BCR: variants seen among roughly 807,000 people sequenced by gnomAD.
BCR encodes BCR activator of RhoGEF and GTPase.
In BCR, 58 loss-of-function variants were observed where a neutral mutation model predicts 138.6. That is an observed-to-expected ratio of 0.42 (90% confidence interval 0.34 to 0.52). BCR has a LOEUF of 0.52. Among genes scored for constraint, BCR ranks in the 20% least tolerant of loss-of-function variants. The probability of loss-of-function intolerance (pLI) is 0.06; values close to 1 mark genes in which losing one functional copy is unlikely to be tolerated. For synonymous variants in BCR, 786 were observed against 730.1 expected (o/e 1.08, Z -1.23); for missense variants, 1,599 against 1,727.2 (o/e 0.93, Z 1.32).
intron 16 of BCR, among the ~76,000 whole-genome samples, chr22:23,303,931 C>CTT (rs131683): frequency 0.011 from 1,173 of 106,140 alleles, 51 homozygotes; most frequent in African/African-American, 0.03. Context: ...TCCTTGTTGC[C>CTT]TTTTTTTTTT....
intron 16 of BCR, among the ~76,000 whole-genome samples, chr22:23,295,399 A>G (rs2073834237): frequency 1.3e-5 from 2 of 152,140 alleles, no homozygotes; most frequent in African/African-American, 4.8e-5. Flanking sequence ...ATTTCCATTC[A>G]ACTTGGTTTT....
chr22:23,239,829 TA>T (rs966331257), intron 1 of BCR, among the ~76,000 whole-genome samples: 7 of 152,062 alleles, frequency 4.6e-5, no homozygotes, highest in African/African-American at 1.7e-4. Context: ...CACTTTTTTT[TA>T]AGAGACAGCG....
At chr22:23,185,388 G>T (rs973962991) in intron 1 of BCR, among the ~76,000 whole-genome samples, 3 of 152,152 alleles carry the variant, frequency 2.0e-5, no homozygotes, top group Non-Finnish European at 4.4e-5. Context: ...GAACCCGGCC[G>T]GGCGCGGTGG....
intron 1 of BCR, among the ~76,000 whole-genome samples, chr22:23,197,309 CTA>C (rs2072496251): frequency 6.6e-6 from 1 of 152,000 alleles, no homozygotes; most frequent in African/African-American, 2.4e-5. Flanking sequence ...TAGGTACACT[CTA>C]TGATGTTTGC....
At position 23,181,176 on chromosome 22, in the gene BCR, G is replaced by C; in HGVS notation, c.216G>C (p.Arg72=). The C allele has an allele frequency of 7.3e-7, 1 of 1,372,854 alleles. No individual in the cohort carries two copies. Among genetic ancestry groups the C allele is most frequent in the Non-Finnish European group, 9.6e-7 (1 of 1,041,952 alleles). The allele number at this position is 1,372,854 out of a possible 1,614,324, so 85.0% of individuals were successfully genotyped here. Residue 72 remains arginine (R), a synonymous_variant, in exon 1 of 23, where the codon CGG becomes CGC. Transcript: ENST00000305877. ...CCAAGGAAAAGAAGAGCTATGACCG[G>C]CAGCGATGGGGCTTCCGGCGCGCGG... The part of the protein sequence containing the change: ...LLAKEKKSYD[R]QRWGFRRAAQ...
At chr22:23,202,011 G>C (rs375508321) in intron 1 of BCR, among the ~76,000 whole-genome samples, 1 of 152,038 alleles carries the variant, frequency 6.6e-6, no homozygotes, top group Non-Finnish European at 1.5e-5. Context: ...TTGGGTGTCC[G>C]GCCTTAGTTA....
At chr22:23,231,137 T>C (rs761420622) in intron 1 of BCR, among the ~76,000 whole-genome samples, 3 of 152,162 alleles carry the variant, frequency 2.0e-5, no homozygotes, top group Non-Finnish European at 2.9e-5. Context: ...GCTGCCCTTT[T>C]TTCCTAATGG....
At chr22:23,237,071 C>G (rs975497273) in intron 1 of BCR, among the ~76,000 whole-genome samples, 2 of 152,190 alleles carry the variant, frequency 1.3e-5, no homozygotes, top group African/African-American at 2.4e-5. Flanking sequence ...CTCCCAGGAT[C>G]GTGGAGTTCT....
intron 14 of BCR, among the ~76,000 whole-genome samples, chr22:23,291,923 C>T (rs1395535348): frequency 6.6e-6 from 1 of 152,136 alleles, no homozygotes; most frequent in Non-Finnish European, 1.5e-5. Context: ...ACTACCAGGC[C>T]TCTCCATCCC....
chr22:23,268,966 C>T (rs796530848), intron 5 of BCR, among the ~76,000 whole-genome samples: 42 of 152,362 alleles, frequency 2.8e-4, no homozygotes, highest in African/African-American at 9.1e-4. Flanking sequence ...GGGGCGAGGG[C>T]TCATGGCACC....
chr22:23,247,070 G>T (rs922342870), intron 1 of BCR, among the ~76,000 whole-genome samples: 5 of 152,130 alleles, frequency 3.3e-5, no homozygotes, highest in Non-Finnish European at 7.3e-5. Context: ...CTCTCTGGAG[G>T]ACAGTGCCTG....
At chr22:23,307,216 C>T (rs1177206656) in intron 16 of BCR, among the ~76,000 whole-genome samples, 1 of 152,212 alleles carries the variant, frequency 6.6e-6, no homozygotes, top group Non-Finnish European at 1.5e-5. Flanking sequence ...CCACCTCAGC[C>T]TCCCGAGCAG....
chr22:23,313,054 C>T (rs759085538), intron 20 of BCR, 33 bp downstream of exon 20: 35 of 1,542,272 alleles, frequency 2.3e-5, no homozygotes, highest in Admixed American at 3.8e-5. Context: ...TCATGGGAGA[C>T]GTCTCCTCCA....
In BCR at chr22:23,311,759, G is replaced by T; in HGVS notation, c.3245G>T (p.Gly1082Val). 6.2e-7 allele frequency: 1 copy of T among 1,611,728 alleles called. No individual in the cohort carries two copies. The highest frequency in any genetic ancestry group is 1.1e-5 in the South Asian group (1 of 90,988). ...RQCVEEIERR[G>V]MEEVGIYRVS... ...TGCGTGGAGGAGATCGAGCGCCGAG[G>T]CATGGAGGAGGTGGGCATCTACCGC... The change falls in exon 19 of 23, where the codon GGC becomes GTC. Residue 1082 changes from glycine (G) to valine (V), a missense_variant. Around this residue, in one of 4 missense-constraint regions of BCR, gnomAD observed 26 missense variants for 103.5 expected, o/e 0.25. Transcript: ENST00000305877.
chr22:23,309,595 G>A, intron 17 of BCR, 112 bp downstream of exon 17: 1 of 806,710 alleles, frequency 1.2e-6, no homozygotes, highest in Non-Finnish European at 2.0e-6. Flanking sequence ...ATCTGAGAGG[G>A]AGCCTGGTTG....
At chr22:23,294,943 A>G (rs1476840709) in intron 15 of BCR, 81 bp from the exon 16 acceptor site, 1 of 1,535,480 alleles carries the variant, frequency 6.5e-7, no homozygotes, top group African/African-American at 1.4e-5. Context: ...CAGCAGGGAG[A>G]GCCCCGGTTC....
chr22:23,260,117 G>T (rs758558561), intron 2 of BCR, among the ~76,000 whole-genome samples: 14 of 152,248 alleles, frequency 9.2e-5, no homozygotes, highest in Non-Finnish European at 2.1e-4. Context: ...TGAGTGGGGA[G>T]GGGAGATGTT....
chr22:23,181,431 C>T lies in BCR; in HGVS notation c.471C>T (p.Asn157=), dbSNP rs190584029. 1.8e-5 allele frequency: 28 copies of T among 1,594,090 alleles called. No individual in the cohort carries two copies. The East Asian group carries it at 6.1e-4, about 35-fold the overall frequency. ...PPASVAALRS[N]FERIRKGHGQ... ...CCAGCGTGGCGGCGCTCAGGTCCAA[C>T]TTCGAGCGGATCCGCAAGGGCCATG... is the stretch of plus-strand genomic sequence containing the variant. Residue 157 remains asparagine (N), a synonymous_variant, in exon 1 of 23, where the codon AAC becomes AAT. Transcript: ENST00000305877.
intron 1 of BCR, among the ~76,000 whole-genome samples, chr22:23,202,942 T>C (rs1189409924): frequency 1.3e-5 from 2 of 152,170 alleles, no homozygotes; most frequent in Admixed American, 1.3e-4. Context: ...AAGAGCTCAC[T>C]GCAGCCTTGA....
Sources: allele counts gnomAD v4.1 joint callset (sites outside exome capture counted in the v4.1 genomes callset), GRCh38; gene constraint gnomAD v4.1.1; regional missense constraint gnomAD v4.1.1; transcripts MANE v1.5; gene names NCBI Gene and HGNC (gene_info 2026-07-23, HGNC 2026-07-21).